CATSPERE: variants seen among roughly 807,000 people sequenced by gnomAD.
CATSPERE encodes catsper channel auxiliary subunit epsilon, also known as cation channel sperm-associated auxiliary subunit epsilon.
Under a neutral mutation model 114.1 loss-of-function variants are expected in CATSPERE, and 93 were observed. The ratio of observed to expected loss-of-function variants is 0.81; its 90% CI spans 0.69 to 0.97. The LOEUF (loss-of-function observed/expected upper bound fraction) is 0.97. Ranked by LOEUF, CATSPERE falls within the 50% of genes least tolerant of loss-of-function variation. The pLI is 0.00. For missense variants in CATSPERE, 1,058 were observed against 1,131.6 expected (o/e 0.93, Z 0.93); for synonymous variants, 341 against 384.1 (o/e 0.89, Z 1.31).
At chr1:244,530,092 G>A (rs1679352528) in intron 8 of CATSPERE, among the ~76,000 whole-genome samples, 1 of 151,992 alleles carries the variant, frequency 6.6e-6, no homozygotes, top group African/African-American at 2.4e-5. Context: ...GATTACAAGT[G>A]TGTGCCCACC....
At chr1:244,622,902 TTTA>T (rs1234248966) in intron 20 of CATSPERE, among the ~76,000 whole-genome samples, 4 of 152,216 alleles carry the variant, frequency 2.6e-5, no homozygotes, top group South Asian at 2.1e-4. Context: ...AAAATAAAGC[TTTA>T]TTAACATTTA....
At chr1:244,543,845 C>T (rs757360300) in intron 8 of CATSPERE, among the ~76,000 whole-genome samples, 1 of 151,632 alleles carries the variant, frequency 6.6e-6, no homozygotes, top group Non-Finnish European at 1.5e-5. Context: ...AGGGGAGAAA[C>T]ATAGTGGGTC....
At chr1:244,621,061 A>AAATATATATATAT (rs1207234073) in intron 20 of CATSPERE, among the ~76,000 whole-genome samples, 4 of 57,100 alleles carry the variant, frequency 7.0e-5, no homozygotes, top group African/African-American at 2.7e-4. Flanking sequence ...AATATATATA[A>AAATATATATATAT]ATATATATAA....
At chr1:244,627,506 T>C (rs1673358501) in intron 20 of CATSPERE, among the ~76,000 whole-genome samples, 1 of 151,780 alleles carries the variant, frequency 6.6e-6, no homozygotes, top group Non-Finnish European at 1.5e-5. Flanking sequence ...GCCCAGAAGG[T>C]CAAGGCTGCA....
intron 7 of CATSPERE, among the ~76,000 whole-genome samples, chr1:244,517,615 T>TA (rs1031880666): frequency 1.3e-5 from 2 of 151,392 alleles, no homozygotes; most frequent in African/African-American, 2.4e-5. Context: ...CTACCAAATA[T>TA]AAAAAAAATT....
intron 5 of CATSPERE, among the ~76,000 whole-genome samples, chr1:244,486,555 C>T (rs1671069171): frequency 7.4e-6 from 1 of 134,726 alleles, no homozygotes; most frequent in Admixed American, 7.3e-5. Flanking sequence ...GTGGAGTACT[C>T]GTGGGCCAGG....
intron 7 of CATSPERE, 77 bp from the exon 8 acceptor site, chr1:244,518,515 T>C: frequency 2.2e-6 from 2 of 895,178 alleles, no homozygotes; most frequent in South Asian, 2.9e-5. Context: ...AATAACAAAT[T>C]CAATATATCC....
At chr1:244,637,345 C>T (rs945231492) in intron 21 of CATSPERE, among the ~76,000 whole-genome samples, 7 of 152,162 alleles carry the variant, frequency 4.6e-5, no homozygotes, top group African/African-American at 1.7e-4. Flanking sequence ...TCAAGCCCCA[C>T]CATCAGTGTT....
At chr1:244,549,047 A>G (rs1660193648) in intron 8 of CATSPERE, among the ~76,000 whole-genome samples, 1 of 152,204 alleles carries the variant, frequency 6.6e-6, no homozygotes, top group Non-Finnish European at 1.5e-5. Context: ...TATCCAGACT[A>G]CCGAGGGGAA....
At chr1:244,535,343 G>A (rs1055487279) in intron 8 of CATSPERE, among the ~76,000 whole-genome samples, 1 of 152,156 alleles carries the variant, frequency 6.6e-6, no homozygotes, top group Non-Finnish European at 1.5e-5. Flanking sequence ...TTCCCTTAAG[G>A]GCTGCAAGTT....
rs551605067 is a variant in CATSPERE, at chr1:244,570,399, CTTTTT to C, written c.1508-1930_1508-1926del. On this transcript the variant is annotated intron_variant, in intron 10 of 21. Coordinates refer to ENST00000366534, the MANE Select transcript of CATSPERE (RefSeq NM_001130957.2). The stretch of plus-strand genomic sequence containing the variant: ...AAGAATTCTTAATTTTATCTACTTT[CTTTTT>C]AATTTAATTTCTGCTTTTGTCATTA... Among the ~76,000 whole-genome samples the C allele has an allele frequency of 1.1e-4, 17 of 152,130 alleles. No individual in the cohort carries two copies. In the South Asian group the frequency reaches 3.3e-3, roughly 30 times the overall value.
At chr1:244,594,580 C>T (rs542755227) in intron 17 of CATSPERE, among the ~76,000 whole-genome samples, 4 of 152,196 alleles carry the variant, frequency 2.6e-5, no homozygotes, top group East Asian at 1.9e-4. Flanking sequence ...TGTTTGGTCA[C>T]GAGTCCAGGT....
Position 244,461,285 on chromosome 1 carries a change from C to G in CATSPERE, c.-145C>G. The G allele has an allele frequency of 3.2e-6, 2 of 617,950 alleles. No homozygotes were observed. The highest frequency in any genetic ancestry group is 4.7e-6 in the Non-Finnish European group (2 of 426,164). The allele number at this position is 617,950 out of a possible 1,614,324, so 38.3% of individuals were successfully genotyped here. A position where few individuals can be genotyped will look rare whatever the true frequency, so the allele number is the denominator to read the frequency against. ...CACGCGCACGCGCACACTTCTCCCT[C>G]GCTGGTCTTCAGGCCCGGCCCGCCC... On this transcript the variant is annotated 5_prime_UTR_variant, in exon 1 of 22. Coordinates refer to ENST00000366534, the MANE Select transcript of CATSPERE (RefSeq NM_001130957.2).
At chr1:244,501,974 C>T (rs1290819978) in intron 7 of CATSPERE, among the ~76,000 whole-genome samples, 2 of 152,190 alleles carry the variant, frequency 1.3e-5, no homozygotes, top group African/African-American at 4.8e-5. Context: ...ATGCTGTTCC[C>T]TGCACATCAA....
rs1671555566 is a variant in CATSPERE, at chr1:244,617,579, T to G, written c.2541T>G (p.Asn847Lys). The G allele has an allele frequency of 6.5e-7, 1 of 1,541,120 alleles. No individual in the cohort carries two copies. Among genetic ancestry groups the G allele is most frequent in the Non-Finnish European group, 8.7e-7 (1 of 1,144,110 alleles). ...SYAIGKPGDL[N>K]QPYEIINSSN... is the part of the protein sequence containing the mutation. ...CTATTGGAAAACCAGGAGACTTAAA[T>G]CAACCATACGAGATTATCAACAGTT... The change falls in exon 20 of 22, where the codon AAT (asparagine) becomes AAG (lysine). Residue 847 changes from asparagine (N) to lysine (K), a missense_variant. Coordinates refer to ENST00000366534, the MANE Select transcript of CATSPERE (RefSeq NM_001130957.2).
chr1:244,539,545 A>G (rs1344874157), intron 8 of CATSPERE, among the ~76,000 whole-genome samples: 3 of 139,290 alleles, frequency 2.2e-5, no homozygotes, highest in Non-Finnish European at 4.7e-5. Context: ...TTCAGAAGGA[A>G]TGGTACCAGT....
chr1:244,479,623 GTAAC>G (rs1316637769), intron 4 of CATSPERE, 90 bp from the exon 5 acceptor site: 6 of 611,100 alleles, frequency 9.8e-6, no homozygotes, highest in Non-Finnish European at 1.7e-5. Context: ...TCGTGGATAA[GTAAC>G]TTACTTCCTC....
intron 8 of CATSPERE, among the ~76,000 whole-genome samples, chr1:244,521,683 TAGA>T (rs1677598966): frequency 6.6e-6 from 1 of 152,144 alleles, no homozygotes; most frequent in Non-Finnish European, 1.5e-5. Context: ...ATTAGAAATA[TAGA>T]ATATCTTTAT....
At chr1:244,552,019 G>A (rs1012655067) in intron 8 of CATSPERE, among the ~76,000 whole-genome samples, 3 of 119,474 alleles carry the variant, frequency 2.5e-5, no homozygotes, top group African/African-American at 6.4e-5. Context: ...AGCCCAGATC[G>A]CACCACTGCA....
Sources: gnomAD v4.1 joint callset for allele counts (sites outside exome capture counted in the v4.1 genomes callset) on GRCh38, gnomAD v4.1.1 for gene constraint, MANE v1.5 for transcripts, NCBI Gene and HGNC (gene_info 2026-07-23, HGNC 2026-07-21) for gene names.